Variants in SLC41A3 observed in about 807,000 individuals in gnomAD.
The protein encoded by SLC41A3 is solute carrier family 41 member 3.
SLC41A3 carries 44 observed loss-of-function variants against 45.4 expected under a neutral mutation model. The observed-to-expected ratio is 0.97, with a 90% CI of 0.76 to 1.25. SLC41A3 has a LOEUF of 1.25. SLC41A3 is among the 50% of genes most tolerant of loss of function. The pLI is 0.00. For synonymous variants in SLC41A3, 256 were observed against 252.4 expected, an observed-to-expected ratio of 1.01 and a Z score of -0.13; for missense variants, 550 against 600.6, an observed-to-expected ratio of 0.92 and a Z score of 0.88.
chr3:126,016,657 G>C, intron 7 of SLC41A3, 74 bp downstream of exon 7: 2 of 1,524,586 alleles, frequency 1.3e-6, no homozygotes, highest in Non-Finnish European at 1.8e-6. Context: ...CCAAGGCAGT[G>C]AGTGTCACCC....
intron 2 of SLC41A3, among the ~76,000 whole-genome samples, chr3:126,061,844 C>A (rs1209439527): frequency 6.6e-6 from 1 of 152,142 alleles, no homozygotes; most frequent in Non-Finnish European, 1.5e-5. Flanking sequence ...TGAACCTCTG[C>A]TGTCTCTCTT....
chr3:126,041,273 G>C (rs749637965), intron 3 of SLC41A3, among the ~76,000 whole-genome samples: 18 of 151,520 alleles, frequency 1.2e-4, no homozygotes, highest in Non-Finnish European at 2.6e-4. Context: ...TTATGGAGGG[G>C]GGGTGGGGGA....
At chr3:126,097,093 T>C (rs1005981065) in intron 1 of SLC41A3, among the ~76,000 whole-genome samples, 1 of 152,224 alleles carries the variant, frequency 6.6e-6, no homozygotes, top group African/African-American at 2.4e-5. Flanking sequence ...TGTTTGACCA[T>C]GATCCTAGGA....
intron 6 of SLC41A3, among the ~76,000 whole-genome samples, chr3:126,017,236 A>C (rs1940391559): frequency 6.6e-6 from 1 of 152,200 alleles, no homozygotes; most frequent in Non-Finnish European, 1.5e-5. Context: ...TCGGGTGCAC[A>C]ATCTCATCTC....
rs1324840754 is a variant in SLC41A3 at position 126,014,293 on chromosome 3, T to G, written c.970+1201A>C. On this transcript the variant is annotated intron_variant, in intron 8 of 10. Coordinates refer to ENST00000360370, the MANE Select transcript of SLC41A3 (RefSeq NM_017836.4). ...AAAGGAAAAAAAAACCTCAAATTAA[T>G]TGGTACTGTTTACAAATTAGGCCCT... Among the ~76,000 whole-genome samples, 3 of 152,162 alleles carry G rather than the reference T, an allele frequency of 2.0e-5. No homozygotes were observed. In the East Asian group the frequency reaches 5.8e-4, roughly 29 times the overall value.
intron 2 of SLC41A3, among the ~76,000 whole-genome samples, chr3:126,061,208 C>A (rs1944048610): frequency 6.6e-6 from 1 of 152,206 alleles, no homozygotes; most frequent in Admixed American, 6.5e-5. Flanking sequence ...ATTCTTCCCC[C>A]ATCTTGTTCA....
chr3:126,089,475 T>C (rs1945451051), intron 1 of SLC41A3, among the ~76,000 whole-genome samples: 1 of 152,246 alleles, frequency 6.6e-6, no homozygotes, highest in African/African-American at 2.4e-5. Context: ...TGAGGGATGT[T>C]TCCCCTTTCT....
At chr3:126,046,965 A>C (rs1943005539) in intron 3 of SLC41A3, among the ~76,000 whole-genome samples, 2 of 151,180 alleles carry the variant, frequency 1.3e-5, no homozygotes. Context: ...CCATCTCAAA[A>C]AAAAAAAAAA....
At chr3:126,056,630 C>T in intron 2 of SLC41A3, 1 of 1,512,456 alleles carries the variant, frequency 6.6e-7, no homozygotes, top group Non-Finnish European at 8.8e-7. Flanking sequence ...CTGGCCCACA[C>T]CAGGACGCTG....
chr3:126,036,566 A>G (rs1942206712), intron 3 of SLC41A3, among the ~76,000 whole-genome samples: 1 of 151,994 alleles, frequency 6.6e-6, no homozygotes, highest in Non-Finnish European at 1.5e-5. Flanking sequence ...TGAGAACTGG[A>G]GTGATACTCA....
intron 3 of SLC41A3, among the ~76,000 whole-genome samples, chr3:126,038,639 T>C (rs551272372): frequency 2.0e-5 from 3 of 152,344 alleles, no homozygotes; most frequent in Admixed American, 2.0e-4. Flanking sequence ...TGGGAGTAAA[T>C]CACTCATAAG....
In SLC41A3 at chr3:126,026,513, C is replaced by A; in HGVS notation, c.454-34G>T. ...CAGAAATCAGAAGCATGAAGGGGGGCCCCGGGGCCACAGCCACACTCCCTG... is the reference window on the plus strand; with the variant it reads ...CAGAAATCAGAAGCATGAAGGGGGGACCCGGGGCCACAGCCACACTCCCTG... On this transcript the variant is annotated intron_variant, in intron 4 of 10. Transcript: ENST00000360370. The surrounding 1 kb of genome is among the most constrained non-coding windows in gnomAD (Gnocchi z 4.2). 6.3e-7 allele frequency: 1 copy of A among 1,589,650 alleles called. No homozygotes were observed. The highest frequency in any genetic ancestry group is 8.6e-7 in the Non-Finnish European group (1 of 1,167,258).
intron 3 of SLC41A3, among the ~76,000 whole-genome samples, chr3:126,037,528 T>A (rs754232482): frequency 4.6e-5 from 7 of 152,122 alleles, no homozygotes; most frequent in African/African-American, 7.2e-5. Flanking sequence ...GTGCCCAGGC[T>A]CTAGGGATTT....
At chr3:126,090,947 A>G (rs1475874221) in intron 1 of SLC41A3, among the ~76,000 whole-genome samples, 1 of 152,072 alleles carries the variant, frequency 6.6e-6, no homozygotes, top group Non-Finnish European at 1.5e-5. Context: ...GTTCTCTGGG[A>G]GCCTCTGCAT....
At chr3:126,087,658 T>G (rs1335351975), upstream of SLC41A3, among the ~76,000 whole-genome samples, 1 of 151,974 alleles carries the variant, frequency 6.6e-6, no homozygotes, top group Non-Finnish European at 1.5e-5. Context: ...TAAGAAAGAA[T>G]CTTGTGTAGC....
At chr3:126,027,296 T>C (rs1234001016) in intron 4 of SLC41A3, among the ~76,000 whole-genome samples, 2 of 129,944 alleles carry the variant, frequency 1.5e-5, no homozygotes, top group East Asian at 2.6e-4. Flanking sequence ...TCGGTGATCA[T>C]GAGTTCTCAT....
chr3:126,091,662 T>A (rs977013188), intron 1 of SLC41A3, among the ~76,000 whole-genome samples: 4 of 152,170 alleles, frequency 2.6e-5, no homozygotes, highest in Non-Finnish European at 5.9e-5. Context: ...GTTGTCAGAC[T>A]CTTAGTTAAT....
At chr3:126,023,027 T>C (rs1941040452) in intron 5 of SLC41A3, 95 bp from the exon 6 acceptor site, 1 of 1,514,952 alleles carries the variant, frequency 6.6e-7, no homozygotes, top group Non-Finnish European at 8.9e-7. Flanking sequence ...CGGCACTGAG[T>C]AGGGACTGGC....
chr3:126,085,060 T>C (rs1159369732), upstream of SLC41A3, among the ~76,000 whole-genome samples: 1 of 152,198 alleles, frequency 6.6e-6, no homozygotes, highest in Non-Finnish European at 1.5e-5. Context: ...ACCCAGACAT[T>C]CCTTTCTTTA....
Sources: gnomAD v4.1 joint callset for allele counts (sites outside exome capture counted in the v4.1 genomes callset) on GRCh38, gnomAD v4.1.1 for gene constraint, Gnocchi (gnomAD v3.1) non-coding constraint, MANE v1.5 for transcripts, NCBI Gene and HGNC (gene_info 2026-07-23, HGNC 2026-07-21) for gene names.